Variants in SLC9A2 observed in about 807,000 individuals in gnomAD.
SLC9A2 encodes solute carrier family 9 member A2.
A neutral mutation model predicts 71.7 loss-of-function variants in SLC9A2; 42 were observed. The observed-to-expected ratio is 0.59, with a 90% CI of 0.46 to 0.76. The LOEUF is 0.76. Among genes scored for constraint, SLC9A2 ranks in the 30% least tolerant of loss-of-function variants. The pLI is 0.00. For missense variants in SLC9A2, 829 were observed against 1,017.4 expected, an observed-to-expected ratio of 0.81 and a Z score of 2.52; for synonymous variants, 396 against 392.5, an observed-to-expected ratio of 1.01 and a Z score of -0.10.
At chr2:102,660,379 T>G (rs966467687) in intron 2 of SLC9A2, among the ~76,000 whole-genome samples, 5 of 152,196 alleles carry the variant, frequency 3.3e-5, no homozygotes, top group Admixed American at 6.5e-5. Context: ...CCTCCCTTGG[T>G]AACTTACTTG....
chr2:102,640,381 C>T (rs563273438), intron 1 of SLC9A2, among the ~76,000 whole-genome samples: 3 of 152,294 alleles, frequency 2.0e-5, no homozygotes, highest in Non-Finnish European at 4.4e-5. Flanking sequence ...GTTAAGGGCT[C>T]GGTCCCACAA....
intron 10 of SLC9A2, 25 bp from the exon 11 acceptor site, chr2:102,705,820 AG>A (rs760301893): frequency 7.9e-5 from 110 of 1,399,558 alleles, no homozygotes; most frequent in Admixed American, 1.4e-4. Context: ...GTATAGTTTA[AG>A]TAAGATTTTA....
At chr2:102,662,928 G>A (rs1677074479) in intron 2 of SLC9A2, among the ~76,000 whole-genome samples, 1 of 152,224 alleles carries the variant, frequency 6.6e-6, no homozygotes, top group Non-Finnish European at 1.5e-5. Flanking sequence ...AGACAGAACT[G>A]TGGTGCCTGA....
In SLC9A2 at chr2:102,710,036, C is replaced by CTT. The variant is rs1018718366; in HGVS notation, c.*1552_*1553dup. ...ACCAGCAAGGAGAAGTCAATCTACA[C>CTT]TTTTTTCTCATGTTCTAAAGTCTTA... is the stretch of plus-strand genomic sequence containing the variant. On this transcript the variant is annotated 3_prime_UTR_variant, in exon 12 of 12. Transcript: ENST00000233969. 1.3e-5 allele frequency: 2 copies of CTT among 152,806 alleles called. No individual in the cohort carries two copies. The highest frequency in any genetic ancestry group is 4.1e-4 in the South Asian group (2 of 4,826). The allele number at this position is 152,806 out of a possible 1,614,324, so 9.5% of individuals were successfully genotyped here.
chr2:102,634,303 C>T (rs1191996662), intron 1 of SLC9A2, among the ~76,000 whole-genome samples: 2 of 152,082 alleles, frequency 1.3e-5, no homozygotes, highest in Non-Finnish European at 2.9e-5. Flanking sequence ...ATTGGATATA[C>T]TTTTAGTGGT....
intron 3 of SLC9A2, among the ~76,000 whole-genome samples, chr2:102,668,139 G>A (rs1677178098): frequency 6.6e-6 from 1 of 151,990 alleles, no homozygotes; most frequent in Admixed American, 6.6e-5. Flanking sequence ...AATAATAAAT[G>A]GGTCCTTAAA....
Position 102,632,035 on chromosome 2 carries a change from T to C in SLC9A2, c.289+11898T>C, listed in dbSNP as rs58134604. 8.4e-3 allele frequency among the ~76,000 whole-genome samples: 673 copies of C among 80,120 alleles called. 18 individuals carry two copies. Among genetic ancestry groups the C allele is most frequent in the African/African-American group, 0.035 (580 of 16,618 alleles). 52.6% of individuals were successfully genotyped at this position (80,120 alleles called of 152,430 possible). On this transcript the variant is annotated intron_variant, in intron 1 of 11. Coordinates refer to ENST00000233969, the MANE Select transcript of SLC9A2 (RefSeq NM_003048.6). The stretch of plus-strand genomic sequence containing the variant: ...ATATATATATATATATATATATATA[T>C]ATACATACACACACACATATATATA...
chr2:102,666,230 C>T (rs1321192961), intron 3 of SLC9A2, among the ~76,000 whole-genome samples: 1 of 136,356 alleles, frequency 7.3e-6, no homozygotes, highest in Non-Finnish European at 1.5e-5. Flanking sequence ...GAGTCTCGCT[C>T]TCTCGCCTAG....
intron 1 of SLC9A2, among the ~76,000 whole-genome samples, chr2:102,645,193 C>A (rs749520096): frequency 1.3e-5 from 2 of 152,196 alleles, no homozygotes; most frequent in Non-Finnish European, 2.9e-5. Context: ...CTCCAACAGA[C>A]CTGCAGCAGA....
At chr2:102,699,248 G>T (rs141051566) in intron 7 of SLC9A2, among the ~76,000 whole-genome samples, 1 of 152,142 alleles carries the variant, frequency 6.6e-6, no homozygotes, top group East Asian at 1.9e-4. Context: ...GGGGGAAAAG[G>T]ATTCCTAGTA....
At chr2:102,624,324 G>A (rs1438233251) in intron 1 of SLC9A2, among the ~76,000 whole-genome samples, 1 of 152,124 alleles carries the variant, frequency 6.6e-6, no homozygotes, top group Non-Finnish European at 1.5e-5. Flanking sequence ...TATATTTTGA[G>A]CAACCGTTGA....
intron 3 of SLC9A2, among the ~76,000 whole-genome samples, chr2:102,670,576 T>G (rs1443844017): frequency 1.7e-4 from 24 of 139,870 alleles, no homozygotes; most frequent in Non-Finnish European, 2.7e-4. Flanking sequence ...GTCCTGTTTA[T>G]GTGCAATATC....
chr2:102,621,016 G>T (rs1451793500), intron 1 of SLC9A2, among the ~76,000 whole-genome samples: 1 of 152,032 alleles, frequency 6.6e-6, no homozygotes, highest in Non-Finnish European at 1.5e-5. Flanking sequence ...AATTAGCCGG[G>T]CGTGGTGGTG....
intron 1 of SLC9A2, among the ~76,000 whole-genome samples, chr2:102,645,905 C>T (rs1676714485): frequency 6.6e-6 from 1 of 152,036 alleles, no homozygotes; most frequent in African/African-American, 2.4e-5. Flanking sequence ...GAGAACTTCC[C>T]CAACCTAGCA....
chr2:102,710,932 G>T lies in SLC9A2; in HGVS notation c.*2443G>T, dbSNP rs1678097520. Reference sequence around the variant, plus strand: ...AACTACCTATAAATGAAAAGTCGGGGTTTATTACTTTATATGTAATGCTGA... The same window carrying T: ...AACTACCTATAAATGAAAAGTCGGGTTTTATTACTTTATATGTAATGCTGA... On this transcript the variant is annotated 3_prime_UTR_variant, in exon 12 of 12. Coordinates refer to ENST00000233969, the MANE Select transcript of SLC9A2 (RefSeq NM_003048.6). 1 of 152,294 alleles carries T rather than the reference G, an allele frequency of 6.6e-6. No individual in the cohort carries two copies. The highest frequency in any genetic ancestry group is 1.5e-5 in the Non-Finnish European group (1 of 68,036). 9.4% of individuals were successfully genotyped at this position (152,294 alleles called of 1,614,324 possible).
chr2:102,648,069 T>A lies in SLC9A2; in HGVS notation c.290-9495T>A, dbSNP rs1676761034. On this transcript the variant is annotated intron_variant, in intron 1 of 11. Coordinates refer to ENST00000233969, the MANE Select transcript of SLC9A2 (RefSeq NM_003048.6). ...GAAAATTTCAGGTCAATATCCCTGA[T>A]GAACACTGATGCAAAAATCCTCAAT... 2.6e-5 allele frequency among the ~76,000 whole-genome samples: 4 copies of A among 152,298 alleles called. No homozygotes were observed. In the South Asian group the frequency reaches 8.3e-4, roughly 32 times the overall value.
intron 7 of SLC9A2, among the ~76,000 whole-genome samples, chr2:102,696,640 A>C (rs1228513533): frequency 6.6e-6 from 1 of 152,172 alleles, no homozygotes. Context: ...ACCATTAGGG[A>C]ATATAATGAG....
Position 102,702,607 on chromosome 2 carries a change from A to C in SLC9A2, c.1845+105A>C. ...GCTGCATCTTGACACTGGGCTCAGCAGGTCCCATGCTGGGCATCTTCTCTC... is the reference window on the plus strand; with the variant it reads ...GCTGCATCTTGACACTGGGCTCAGCCGGTCCCATGCTGGGCATCTTCTCTC... On this transcript the variant is annotated intron_variant, in intron 9 of 11. Transcript: ENST00000233969. 4 of 682,262 alleles carry C rather than the reference A, an allele frequency of 5.9e-6. No individual in the cohort carries two copies. In the South Asian group the frequency reaches 7.3e-5, roughly 12 times the overall value. The allele number at this position is 682,262 out of a possible 1,614,324, so 42.3% of individuals were successfully genotyped here.
chr2:102,704,097 A>C (rs17027765), intron 9 of SLC9A2, among the ~76,000 whole-genome samples: 2,535 of 152,346 alleles, frequency 0.017, 65 homozygotes, highest in African/African-American at 0.056. Flanking sequence ...TGATGAAATC[A>C]ATCATTGTTC....
Sources: gnomAD v4.1 joint callset for allele counts (sites outside exome capture counted in the v4.1 genomes callset) on GRCh38, gnomAD v4.1.1 for gene constraint, MANE v1.5 for transcripts, NCBI Gene and HGNC (gene_info 2026-07-23, HGNC 2026-07-21) for gene names.